Variants in RREB1 observed in about 807,000 individuals in gnomAD.
RREB1 encodes the protein ras responsive element binding protein 1, also known as ras-responsive element-binding protein 1.
RREB1 carries 27 observed loss-of-function variants against 117.8 expected under a neutral mutation model. That is an observed-to-expected ratio of 0.23 (90% CI 0.17 to 0.32). The LOEUF is 0.32. RREB1 is among the 10% of genes least tolerant of loss of function. The probability of loss-of-function intolerance (pLI) is 1.00; values close to 1 mark genes in which losing one functional copy is unlikely to be tolerated. For synonymous variants in RREB1, 1,298 were observed against 1,026.7 expected (o/e 1.26, Z -5.05); for missense variants, 2,577 against 2,378.2 (o/e 1.08, Z -1.74).
rs752419655 is a variant in RREB1, at chr6:7,246,843, C to T, written c.4393C>T (p.Arg1465Cys). ...KSFKFLGTLS[R>C]HRKAHGRQEP... ...CTTCAAGTTCCTGGGCACCCTGAGCCGCCACCGGAAGGCGCACGGCCGCCA... is the reference window on the plus strand; with the variant it reads ...CTTCAAGTTCCTGGGCACCCTGAGCTGCCACCGGAAGGCGCACGGCCGCCA... Residue 1465 changes from arginine to cysteine, a missense_variant, in exon 12 of 13, where the codon CGC (arginine) becomes TGC (cysteine). Physicochemically the swap from Arg to Cys is radical, Grantham distance 180. Coordinates refer to ENST00000379938, the MANE Select transcript of RREB1 (RefSeq NM_001003699.4). 3.7e-4 allele frequency: 574 copies of T among 1,553,364 alleles called. 1 individual carries two copies. The highest frequency in any genetic ancestry group is 3.2e-4 in the Non-Finnish European group (372 of 1,148,690).
chr6:7,156,403 C>G (rs893540009), intron 1 of RREB1, among the ~76,000 whole-genome samples: 1 of 152,294 alleles, frequency 6.6e-6, no homozygotes, highest in African/African-American at 2.4e-5. Context: ...CACAGATTTG[C>G]TCAGACCAAT....
At chr6:7,183,771 C>T (rs1227670990) in intron 4 of RREB1, 1 of 151,880 alleles carries the variant, frequency 6.6e-6, no homozygotes, top group East Asian at 1.9e-4. Context: ...AAATACAGTT[C>T]TTAATCTAAA....
At chr6:7,240,332 G>A in intron 10 of RREB1, 106 bp from the exon 11 acceptor site, 2 of 759,126 alleles carry the variant, frequency 2.6e-6, no homozygotes, top group Non-Finnish European at 4.1e-6. Context: ...AGGGATGGAG[G>A]AGGGGGGAAC....
chr6:7,198,803 A>T (rs966969448), intron 6 of RREB1, among the ~76,000 whole-genome samples: 4 of 152,212 alleles, frequency 2.6e-5, no homozygotes, highest in African/African-American at 9.6e-5. Context: ...AAAAAAAAAT[A>T]TGTAAGTGTA....
chr6:7,247,577 C>T (rs1425441756), intron 12 of RREB1, among the ~76,000 whole-genome samples: 1 of 152,156 alleles, frequency 6.6e-6, no homozygotes, highest in South Asian at 2.1e-4. Context: ...GCATTTGGGC[C>T]ACTTAGTCCT....
chr6:7,178,671 CTT>C (rs1764632967), intron 2 of RREB1, among the ~76,000 whole-genome samples: 1 of 152,080 alleles, frequency 6.6e-6, no homozygotes, highest in South Asian at 2.1e-4. Flanking sequence ...GCCAGTGACT[CTT>C]TTCTTTTTTT....
intron 1 of RREB1, among the ~76,000 whole-genome samples, chr6:7,175,393 T>C (rs1355455846): frequency 6.6e-6 from 1 of 151,972 alleles, no homozygotes; most frequent in Admixed American, 6.5e-5. Context: ...TAATGTCCAG[T>C]TTGAGGGTCT....
intron 1 of RREB1, among the ~76,000 whole-genome samples, chr6:7,125,566 A>G (rs996640092): frequency 6.6e-6 from 1 of 152,212 alleles, no homozygotes; most frequent in African/African-American, 2.4e-5. Context: ...TCTAAGCTCT[A>G]TAAGCATTTG....
intron 1 of RREB1, among the ~76,000 whole-genome samples, chr6:7,143,155 T>G (rs540487678): frequency 3.3e-5 from 5 of 152,342 alleles, no homozygotes; most frequent in East Asian, 3.9e-4. Context: ...CTGGCTGGCT[T>G]GCTTGCTTGC....
intron 8 of RREB1, among the ~76,000 whole-genome samples, chr6:7,224,907 C>A (rs1477488881): frequency 2.0e-5 from 3 of 152,076 alleles, no homozygotes; most frequent in African/African-American, 7.2e-5. Flanking sequence ...TGAGCAGTGA[C>A]AGGAGAGTGC....
In RREB1 at chr6:7,182,238, T is replaced by G. The variant is rs1353628393; in HGVS notation, c.171+156T>G. The G allele has an allele frequency of 1.6e-5, 10 of 631,386 alleles. No individual in the cohort carries two copies. In the Admixed American group the frequency reaches 2.2e-4, roughly 14 times the overall value. 39.1% of individuals were successfully genotyped at this position (631,386 alleles called of 1,614,324 possible). On this transcript the variant is annotated intron_variant, in intron 4 of 12. Transcript: ENST00000379938. ...TCATTTTTCAAGGGCAAAATTTTTA[T>G]GGCTTATGTTAGTTTCCTTTCATGG...
rs1272218562 is a variant in RREB1 at position 7,229,231 on chromosome 6, G to T, written c.1132G>T (p.Ala378Ser). Residue 378 changes from alanine (A) to serine (S), a missense_variant, in exon 10 of 13, where the codon GCC becomes TCC. Coordinates refer to ENST00000379938, the MANE Select transcript of RREB1 (RefSeq NM_001003699.4). This position sits in a 1 kb window ranked among gnomAD's most constrained non-coding sequence, Gnocchi z 4.5. ...GLQHTKDVRP[A>S]PAEEPLPDDN... The stretch of plus-strand genomic sequence containing the variant: ...GCAGCACACCAAAGACGTCAGGCCT[G>T]CCCCCGCCGAGGAGCCCCTGCCGGA... 4 of 1,613,826 alleles carry T rather than the reference G, an allele frequency of 2.5e-6. No homozygotes were observed. The highest frequency in any genetic ancestry group is 3.4e-6 in the Non-Finnish European group (4 of 1,179,960).
intron 1 of RREB1, among the ~76,000 whole-genome samples, chr6:7,160,226 T>A (rs1309653236): frequency 2.0e-5 from 3 of 152,022 alleles, no homozygotes; most frequent in African/African-American, 7.3e-5. Flanking sequence ...TTAAAAAAAA[T>A]TTTTAGACAC....
At chr6:7,135,001 A>C (rs542083434) in intron 1 of RREB1, among the ~76,000 whole-genome samples, 158 of 152,326 alleles carry the variant, frequency 1.0e-3, no homozygotes, top group Non-Finnish European at 1.5e-3. Flanking sequence ...AGAGAATGCA[A>C]TCAGCCAGAT....
At chr6:7,192,171 T>C (rs931821962) in intron 6 of RREB1, among the ~76,000 whole-genome samples, 2 of 150,346 alleles carry the variant, frequency 1.3e-5, no homozygotes, top group African/African-American at 4.9e-5. Flanking sequence ...GTTTTTGTCC[T>C]TTATTCTTTT....
chr6:7,186,412 G>A (rs1377158354), intron 4 of RREB1, among the ~76,000 whole-genome samples: 7 of 152,178 alleles, frequency 4.6e-5, no homozygotes, highest in South Asian at 2.1e-4. Flanking sequence ...CAGTGACTCC[G>A]ATGTGGCACG....
At chr6:7,247,296 A>T in intron 12 of RREB1, 75 bp downstream of exon 12, 2 of 1,372,998 alleles carry the variant, frequency 1.5e-6, no homozygotes, top group Non-Finnish European at 9.8e-7. Flanking sequence ...GCTCCCCTGA[A>T]GCGGCGCTGG....
intron 1 of RREB1, among the ~76,000 whole-genome samples, chr6:7,109,200 C>T (rs7451690): frequency 0.36 from 54,911 of 151,702 alleles, 13,020 homozygotes; most frequent in Non-Finnish European, 0.52. Context: ...CCTTCCTCCT[C>T]CCATCCCGGC....
chr6:7,223,694 A>G (rs181564312), intron 8 of RREB1, among the ~76,000 whole-genome samples: 1 of 152,198 alleles, frequency 6.6e-6, no homozygotes, highest in Admixed American at 6.5e-5. Context: ...GCAAATACAT[A>G]TGTACATAAA....
Sources: allele counts gnomAD v4.1 joint callset (sites outside exome capture counted in the v4.1 genomes callset), GRCh38; gene constraint gnomAD v4.1.1; non-coding constraint Gnocchi (gnomAD v3.1); transcripts MANE v1.5; gene names NCBI Gene and HGNC (gene_info 2026-07-23, HGNC 2026-07-21).